The following RSRC1 variants were observed in gnomAD, a reference collection of about 807,000 sequenced individuals.
RSRC1 encodes the protein arginine and serine rich coiled-coil 1.
Under a neutral mutation model 49.1 loss-of-function variants are expected in RSRC1, and 39 were observed. The observed-to-expected ratio is 0.79, with a 90% CI of 0.61 to 1.04. The LOEUF (loss-of-function observed/expected upper bound fraction) is 1.04, where lower values mean the gene tolerates loss of function less well. Ranked by LOEUF, RSRC1 falls within the 50% of genes least tolerant of loss-of-function variation. The probability of loss-of-function intolerance (pLI) is 0.00; values close to 1 mark genes in which losing one functional copy is unlikely to be tolerated. For synonymous variants in RSRC1, 143 were observed against 130.8 expected (o/e 1.09, Z -0.63); for missense variants, 388 against 402.4 (o/e 0.96, Z 0.31).
intron 7 of RSRC1, among the ~76,000 whole-genome samples, chr3:158,471,728 A>G (rs1416310877): frequency 6.6e-6 from 1 of 152,208 alleles, no homozygotes; most frequent in African/African-American, 2.4e-5. Context: ...TTCCTAAGCT[A>G]TAAACGACTT....
intron 3 of RSRC1, among the ~76,000 whole-genome samples, chr3:158,165,913 A>G (rs1291271434): frequency 6.6e-6 from 1 of 152,150 alleles, no homozygotes; most frequent in East Asian, 1.9e-4. Context: ...CTCCTGATTG[A>G]TTGCTGGTGA....
At position 158,245,004 on chromosome 3, in the gene RSRC1, G is replaced by T. The variant is rs1185212028; in HGVS notation, c.494+41759G>T. ...TCCTGGATTTGTAGATTTTTCAAAG[G>T]TTTTTTTTTTTTTTTCTGTCTCTGT... On this transcript the variant is annotated intron_variant, in intron 4 of 9. Coordinates refer to ENST00000611884, the MANE Select transcript of RSRC1 (RefSeq NM_001271838.2). Among the ~76,000 whole-genome samples the T allele has an allele frequency of 8.8e-4, 114 of 128,926 alleles. 1 individual carries two copies. Among genetic ancestry groups the T allele is most frequent in the Admixed American group, 2.7e-3 (33 of 12,332 alleles). The allele number at this position is 128,926 out of a possible 152,430, so 84.6% of individuals were successfully genotyped here.
intron 6 of RSRC1, among the ~76,000 whole-genome samples, chr3:158,391,883 TTATAAA>T (rs1322269578): frequency 2.0e-5 from 3 of 152,072 alleles, no homozygotes; most frequent in Non-Finnish European, 4.4e-5. Context: ...AGGCATTGAA[TTATAAA>T]TATAATGTAA....
At chr3:158,113,389 G>A (rs1349174286) in intron 1 of RSRC1, among the ~76,000 whole-genome samples, 1 of 130,632 alleles carries the variant, frequency 7.7e-6, no homozygotes, top group Non-Finnish European at 1.6e-5. Context: ...TTTTTTTTGA[G>A]ACGGGAGTCT....
chr3:158,372,394 T>G (rs181377344), intron 6 of RSRC1, among the ~76,000 whole-genome samples: 1 of 152,052 alleles, frequency 6.6e-6, no homozygotes, highest in East Asian at 1.9e-4. Context: ...CCAGTGCCAT[T>G]TGTTGAAAAG....
chr3:158,456,492 A>T (rs192209025), intron 6 of RSRC1, among the ~76,000 whole-genome samples: 1 of 152,274 alleles, frequency 6.6e-6, no homozygotes, highest in East Asian at 1.9e-4. Context: ...CTATGCGCCC[A>T]GCTCTCAAGG....
intron 4 of RSRC1, among the ~76,000 whole-genome samples, chr3:158,255,175 T>C (rs1302306201): frequency 6.6e-6 from 1 of 152,230 alleles, no homozygotes; most frequent in Non-Finnish European, 1.5e-5. Flanking sequence ...CTCTGTTTTT[T>C]TCTAGGGTTT....
In RSRC1 at chr3:158,204,843, T is replaced by C. The variant is rs532344852; in HGVS notation, c.494+1598T>C. Among the ~76,000 whole-genome samples, 18 of 152,284 alleles carry C rather than the reference T, an allele frequency of 1.2e-4. No individual in the cohort carries two copies. In the South Asian group the frequency reaches 3.7e-3, roughly 32 times the overall value. On this transcript the variant is annotated intron_variant, in intron 4 of 9. Transcript: ENST00000611884. ...GTTTACTTTTTTAGAATAATACTTG[T>C]GTAATTGCATAAAATTTATATTATA...
At chr3:158,410,885 A>G (rs1179734984) in intron 6 of RSRC1, among the ~76,000 whole-genome samples, 2 of 152,158 alleles carry the variant, frequency 1.3e-5, no homozygotes, top group African/African-American at 2.4e-5. Context: ...ATCCAGATCA[A>G]CAAACACTTT....
At position 158,123,626 on chromosome 3, in the gene RSRC1, GAT is replaced by G. The variant is rs1715431484; in HGVS notation, c.195-239_195-238del. 3.3e-5 allele frequency among the ~76,000 whole-genome samples: 5 copies of G among 152,068 alleles called. No homozygotes were observed. In the South Asian group the frequency reaches 1.0e-3, roughly 32 times the overall value. On this transcript the variant is annotated intron_variant, in intron 2 of 9. Coordinates refer to ENST00000611884, the MANE Select transcript of RSRC1 (RefSeq NM_001271838.2). The stretch of plus-strand genomic sequence containing the variant: ...GTTTAGTTTTCATACCATATAATCT[GAT>G]GATATTTGGAAAGATTCTAAGACCC...
chr3:158,271,428 C>T (rs768086188), intron 4 of RSRC1, among the ~76,000 whole-genome samples: 3 of 152,100 alleles, frequency 2.0e-5, no homozygotes, highest in Admixed American at 1.3e-4. Flanking sequence ...TTGATGGATA[C>T]AGGCCTGCAT....
chr3:158,430,397 T>C (rs980560682), intron 6 of RSRC1, among the ~76,000 whole-genome samples: 2 of 151,980 alleles, frequency 1.3e-5, no homozygotes, highest in Non-Finnish European at 1.5e-5. Context: ...TTTTGCCTTA[T>C]ATTTGTGTTT....
chr3:158,402,737 C>G (rs1249728939), intron 6 of RSRC1, among the ~76,000 whole-genome samples: 1 of 151,764 alleles, frequency 6.6e-6, no homozygotes, highest in Non-Finnish European at 1.5e-5. Context: ...AATTAAAGAA[C>G]ATTTGTCATT....
chr3:158,260,982 T>G (rs1317556146), intron 4 of RSRC1, among the ~76,000 whole-genome samples: 4 of 152,186 alleles, frequency 2.6e-5, no homozygotes, highest in Non-Finnish European at 4.4e-5. Flanking sequence ...ATTTTCCTAT[T>G]CTCTTCAGTG....
chr3:158,324,110 C>A (rs1454028535), intron 5 of RSRC1, among the ~76,000 whole-genome samples: 2 of 152,070 alleles, frequency 1.3e-5, no homozygotes, highest in Non-Finnish European at 2.9e-5. Flanking sequence ...CATTATACTT[C>A]AGTATATCAA....
At chr3:158,424,819 T>A (rs1277825451) in intron 6 of RSRC1, among the ~76,000 whole-genome samples, 1 of 152,184 alleles carries the variant, frequency 6.6e-6, no homozygotes, top group Non-Finnish European at 1.5e-5. Flanking sequence ...AGAGTGTATG[T>A]GTCAAGGAAT....
chr3:158,533,764 T>C (rs1712552757), intron 7 of RSRC1, among the ~76,000 whole-genome samples: 1 of 151,698 alleles, frequency 6.6e-6, no homozygotes, highest in South Asian at 2.1e-4. Context: ...CAGACAAATG[T>C]AGTTTTCATA....
intron 7 of RSRC1, among the ~76,000 whole-genome samples, chr3:158,463,938 T>G (rs1737747441): frequency 6.6e-6 from 1 of 152,154 alleles, no homozygotes; most frequent in Non-Finnish European, 1.5e-5. Context: ...CCACTAATTC[T>G]TTCCACTTTA....
intron 5 of RSRC1, chr3:158,303,452 G>A (rs934778668): frequency 3.3e-5 from 5 of 152,140 alleles, no homozygotes; most frequent in Non-Finnish European, 7.4e-5. Context: ...GTGATCTGGG[G>A]CAGTGCTTCA....
Sources: allele counts gnomAD v4.1 joint callset (sites outside exome capture counted in the v4.1 genomes callset), GRCh38; gene constraint gnomAD v4.1.1; transcripts MANE v1.5; gene names NCBI Gene and HGNC (gene_info 2026-07-23, HGNC 2026-07-21).